Variants in NAAA observed in about 807,000 individuals in gnomAD.
NAAA encodes N-acylethanolamine-hydrolyzing acid amidase.
A neutral mutation model predicts 44.8 loss-of-function variants in NAAA; 39 were observed. The ratio of observed to expected loss-of-function variants is 0.87; its 90% CI spans 0.67 to 1.14. The LOEUF (loss-of-function observed/expected upper bound fraction) is 1.14, where lower values mean the gene tolerates loss of function less well. Among genes scored for constraint, NAAA ranks in the 50% most tolerant of loss-of-function variants. The pLI, the probability that NAAA is intolerant of heterozygous loss-of-function variation, is 0.00. For synonymous variants in NAAA, 178 were observed against 191.3 expected, an observed-to-expected ratio of 0.93 and a Z score of 0.58; for missense variants, 460 against 467.8, an observed-to-expected ratio of 0.98 and a Z score of 0.15.
downstream of NAAA, chr4:75,911,404 G>A (rs376468571): frequency 1.6e-4 from 75 of 474,024 alleles, 1 homozygote; most frequent in South Asian, 1.0e-3. Flanking sequence ...AGTAGAGAAA[G>A]AGTTCAATTA....
rs1476063764 is a variant in NAAA, at chr4:75,936,335, T to TA, written c.372-101_372-100insT. ...TAAAACAAATCCTCAAAGTAAAAGT[T>TA]TTTCTTCCTTATAACTGATATATGT... On this transcript the variant is annotated intron_variant, in intron 2 of 10. Coordinates refer to ENST00000286733, the MANE Select transcript of NAAA (RefSeq NM_014435.4). 4 of 1,378,510 alleles carry TA rather than the reference T, an allele frequency of 2.9e-6. No homozygotes were observed. The East Asian group carries it at 9.2e-5, about 32-fold the overall frequency. The allele number at this position is 1,378,510 out of a possible 1,614,324, so 85.4% of individuals were successfully genotyped here.
At chr4:75,915,353 A>G (rs554775735) in intron 9 of NAAA, among the ~76,000 whole-genome samples, 325 of 152,256 alleles carry the variant, frequency 2.1e-3, no homozygotes, top group Non-Finnish European at 3.8e-3. Context: ...TGTCTCATAA[A>G]AAATAAATAA....
At position 75,917,006 on chromosome 4, in the gene NAAA, C is replaced by A. The variant is rs1037766515; in HGVS notation, c.998+1755G>T. 88 of 525,590 alleles carry A rather than the reference C, an allele frequency of 1.7e-4. No homozygotes were observed. The African/African-American group carries it at 1.9e-3, about 11-fold the overall frequency. The allele number at this position is 525,590 out of a possible 1,614,324, so 32.6% of individuals were successfully genotyped here. A position where few individuals can be genotyped will look rare whatever the true frequency, so the allele number is the denominator to read the frequency against. On this transcript the variant is annotated intron_variant, in intron 9 of 10. Transcript: ENST00000286733. ...TGTTGGCCAGGCTGGTCTCGAACTC[C>A]TGACCTCAAGTGATCCACCCGCCTC...
intron 5 of NAAA, among the ~76,000 whole-genome samples, chr4:75,924,726 A>T (rs1726494264): frequency 6.6e-6 from 1 of 152,228 alleles, no homozygotes; most frequent in Non-Finnish European, 1.5e-5. Context: ...ACTCTAGCCT[A>T]TGACAAAGAT....
chr4:75,931,944 T>C (rs754545486), intron 3 of NAAA, among the ~76,000 whole-genome samples: 16 of 152,234 alleles, frequency 1.1e-4, no homozygotes, highest in Admixed American at 1.3e-4. Context: ...AAAACTTGTT[T>C]TGAAGCCAGG....
At position 75,937,893 on chromosome 4, in the gene NAAA, C is replaced by T. The variant is rs1001826398; in HGVS notation, c.372-1658G>A. On this transcript the variant is annotated intron_variant, in intron 2 of 10. Transcript: ENST00000286733. ...AAGTTTGTGGGATCTCTCTCAGAGGCGATTTTTCAAAATTGGCAAGATAAC... is the reference window on the plus strand; with the variant it reads ...AAGTTTGTGGGATCTCTCTCAGAGGTGATTTTTCAAAATTGGCAAGATAAC... 5.9e-5 allele frequency among the ~76,000 whole-genome samples: 9 copies of T among 152,166 alleles called. No homozygotes were observed. In the East Asian group the frequency reaches 1.2e-3, roughly 19 times the overall value.
chr4:75,915,507 C>T (rs1412317167), intron 9 of NAAA, among the ~76,000 whole-genome samples: 1 of 152,172 alleles, frequency 6.6e-6, no homozygotes. Context: ...CAGCAAGCAC[C>T]TGCCCCTGTG....
chr4:75,925,544 C>A (rs1726598699), intron 5 of NAAA, among the ~76,000 whole-genome samples, 191 bp downstream of exon 5: 2 of 152,248 alleles, frequency 1.3e-5, no homozygotes, highest in African/African-American at 2.4e-5. Context: ...TACAATCTGT[C>A]CTTACCACTT....
chr4:75,939,862 A>T (rs1728073818), intron 2 of NAAA, 139 bp downstream of exon 2: 1 of 934,808 alleles, frequency 1.1e-6, no homozygotes, highest in African/African-American at 1.7e-5. Flanking sequence ...CCAGAGAGGC[A>T]AAGAGGAAGC....
At chr4:75,930,362 C>A in intron 4 of NAAA, 1 of 448,578 alleles carries the variant, frequency 2.2e-6, no homozygotes. Flanking sequence ...CCCAGGAGAG[C>A]AATCTGAGAA....
At chr4:75,933,244 T>C (rs914274607) in intron 3 of NAAA, among the ~76,000 whole-genome samples, 4 of 152,152 alleles carry the variant, frequency 2.6e-5, no homozygotes, top group African/African-American at 9.7e-5. Context: ...GATATTTTCC[T>C]TAGAAAAATT....
At chr4:75,922,539 C>G (rs1474735119) in intron 5 of NAAA, among the ~76,000 whole-genome samples, 1 of 152,220 alleles carries the variant, frequency 6.6e-6, no homozygotes, top group African/African-American at 2.4e-5. Flanking sequence ...GGTTTCCCCA[C>G]TCCATCTATT....
At chr4:75,938,344 T>C (rs557190292) in intron 2 of NAAA, among the ~76,000 whole-genome samples, 1 of 152,368 alleles carries the variant, frequency 6.6e-6, no homozygotes, top group African/African-American at 2.4e-5. Context: ...TGCTTTAATG[T>C]GTTTGAATAT....
In NAAA at chr4:75,929,085, C is replaced by T. The variant is rs184092238; in HGVS notation, c.589+2129G>A. On this transcript the variant is annotated intron_variant, in intron 4 of 10. Transcript: ENST00000286733. ...GGGATTACAGGCATGATCCACCGCG[C>T]CCGGCCCATCCCTGCTTTCGAGATG... Among the ~76,000 whole-genome samples, 215 of 152,280 alleles carry T rather than the reference C, an allele frequency of 1.4e-3. 1 individual carries two copies. Among genetic ancestry groups the T allele is most frequent in the African/African-American group, 5.1e-3 (212 of 41,558 alleles).
intron 10 of NAAA, 84 bp downstream of exon 10, chr4:75,914,784 C>A: frequency 1.1e-6 from 1 of 876,188 alleles, no homozygotes; most frequent in Non-Finnish European, 1.8e-6. Context: ...TATATGTATA[C>A]ATTTTAAGGA....
Position 75,914,893 on chromosome 4 carries a change from C to T in NAAA, c.*11G>A, listed in dbSNP as rs1211801802. ...CTTTCACAGCACGGGCGAACTCGCT[C>T]TTCTGCTGACTTACTTTCTACTCGG... On this transcript the variant is annotated 3_prime_UTR_variant, in exon 10 of 11. Coordinates refer to ENST00000286733, the MANE Select transcript of NAAA (RefSeq NM_014435.4). The T allele has an allele frequency of 1.9e-6, 3 of 1,613,888 alleles. No homozygotes were observed. Among genetic ancestry groups the T allele is most frequent in the Non-Finnish European group, 2.5e-6 (3 of 1,179,922 alleles).
intron 4 of NAAA, among the ~76,000 whole-genome samples, 175 bp downstream of exon 4, chr4:75,931,039 T>A (rs1284550298): frequency 2.0e-5 from 3 of 152,230 alleles, no homozygotes; most frequent in Non-Finnish European, 2.9e-5. Context: ...GCAGCACTTA[T>A]TGCTACCTGA....
Position 75,939,938 on chromosome 4 carries a change from G to T in NAAA, c.371+63C>A. 10 of 1,576,964 alleles carry T rather than the reference G, an allele frequency of 6.3e-6. 1 individual carries two copies. In the South Asian group the frequency reaches 1.1e-4, roughly 18 times the overall value. On this transcript the variant is annotated intron_variant, in intron 2 of 10. Transcript: ENST00000286733. ...TCACACGGAAAATATGTCTCCTCCC[G>T]CTAGTCTGTGTCGGGGGCCCCCGCA...
downstream of NAAA, among the ~76,000 whole-genome samples, chr4:75,913,112 G>A (rs6532026): frequency 0.089 from 13,582 of 151,934 alleles, 1,099 homozygotes; most frequent in African/African-American, 0.21. Context: ...AATTTCACAC[G>A]GTTGCTTTAT....
Sources: gnomAD v4.1 joint callset for allele counts (sites outside exome capture counted in the v4.1 genomes callset) on GRCh38, gnomAD v4.1.1 for gene constraint, MANE v1.5 for transcripts, NCBI Gene and HGNC (gene_info 2026-07-23, HGNC 2026-07-21) for gene names.